The following EPHA5 variants were observed in gnomAD, a reference collection of about 807,000 sequenced individuals.
EPHA5 encodes ephrin type-A receptor 5.
Under a neutral mutation model 105.0 loss-of-function variants are expected in EPHA5, and 60 were observed. The observed-to-expected ratio is 0.57, with a 90% CI of 0.46 to 0.71. The LOEUF is 0.71. EPHA5 is among the 30% of genes least tolerant of loss of function. EPHA5 has a pLI of 0.00. For synonymous variants in EPHA5, 513 were observed against 449.1 expected (o/e 1.14, Z -1.80); for missense variants, 1,218 against 1,274.7 (o/e 0.96, Z 0.68).
At chr4:65,391,980 G>A (rs1186201787) in intron 8 of EPHA5, among the ~76,000 whole-genome samples, 3 of 152,064 alleles carry the variant, frequency 2.0e-5, no homozygotes, top group East Asian at 1.9e-4. Flanking sequence ...GAGCATTGCA[G>A]CATGTTTACA....
chr4:65,617,517 T>C, intron 2 of EPHA5, among the ~76,000 whole-genome samples: 1 of 152,170 alleles, frequency 6.6e-6, no homozygotes, highest in Admixed American at 6.5e-5. Context: ...TACTGGGATC[T>C]ACAGCAGGGA....
intron 5 of EPHA5, among the ~76,000 whole-genome samples, chr4:65,459,571 C>A (rs1469576980): frequency 6.6e-6 from 1 of 151,676 alleles, no homozygotes; most frequent in Non-Finnish European, 1.5e-5. Context: ...CACAGATTTA[C>A]CTCTAAGGCA....
At chr4:65,463,383 G>A (rs535107645) in intron 5 of EPHA5, among the ~76,000 whole-genome samples, 21 of 152,166 alleles carry the variant, frequency 1.4e-4, no homozygotes, top group Non-Finnish European at 2.2e-4. Flanking sequence ...TGTTCAAACT[G>A]GATTTTAGTT....
chr4:65,628,380 T>A (rs899722972), intron 2 of EPHA5, among the ~76,000 whole-genome samples: 2 of 152,204 alleles, frequency 1.3e-5, no homozygotes, highest in Middle Eastern at 3.4e-3. Flanking sequence ...AAATTACTGA[T>A]GATTGGTTAG....
At chr4:65,616,339 A>G (rs1043783630) in intron 2 of EPHA5, among the ~76,000 whole-genome samples, 2 of 151,744 alleles carry the variant, frequency 1.3e-5, no homozygotes, top group African/African-American at 4.8e-5. Flanking sequence ...GATGACATGA[A>G]AGATCTTGTG....
intron 5 of EPHA5, among the ~76,000 whole-genome samples, chr4:65,436,679 T>C (rs2149075881): frequency 6.6e-6 from 1 of 152,120 alleles, no homozygotes; most frequent in Non-Finnish European, 1.5e-5. Context: ...TATTTTGAAA[T>C]CTACATGTTT....
At chr4:65,556,575 G>A (rs112471143) in intron 3 of EPHA5, among the ~76,000 whole-genome samples, 31 of 152,178 alleles carry the variant, frequency 2.0e-4, no homozygotes, top group African/African-American at 6.7e-4. Context: ...AATGGGATCA[G>A]GTTCACAGTG....
chr4:65,319,927 C>T lies in EPHA5; in HGVS notation c.*4187G>A. 4.3e-6 allele frequency: 1 copy of T among 230,210 alleles called. No individual in the cohort carries two copies. Among genetic ancestry groups the T allele is most frequent in the Non-Finnish European group, 8.6e-6 (1 of 116,090 alleles). 14.3% of individuals were successfully genotyped at this position (230,210 alleles called of 1,614,324 possible). A position where few individuals can be genotyped will look rare whatever the true frequency, so the allele number is the denominator to read the frequency against. ...GTCATAGATATGTTGACCACTGAAACTTCTACTGTGAATACAGTTCCCAGC... is the reference window on the plus strand; with the variant it reads ...GTCATAGATATGTTGACCACTGAAATTTCTACTGTGAATACAGTTCCCAGC... On this transcript the variant is annotated 3_prime_UTR_variant, in exon 17 of 17. Transcript: ENST00000613740.
intron 5 of EPHA5, among the ~76,000 whole-genome samples, chr4:65,465,297 G>A (rs542826200): frequency 3.3e-5 from 5 of 151,738 alleles, no homozygotes; most frequent in East Asian, 1.9e-4. Flanking sequence ...TTAGCCGGGC[G>A]TGGTCGTGGG....
intron 3 of EPHA5, among the ~76,000 whole-genome samples, chr4:65,530,005 A>G (rs1207449940): frequency 1.3e-5 from 2 of 152,154 alleles, no homozygotes; most frequent in Non-Finnish European, 2.9e-5. Context: ...ACAATTTTAA[A>G]AAACATAACT....
intron 1 of EPHA5, among the ~76,000 whole-genome samples, chr4:65,662,714 T>C (rs1261715366): frequency 6.6e-6 from 1 of 152,132 alleles, no homozygotes; most frequent in Non-Finnish European, 1.5e-5. Flanking sequence ...TGAGAGTGTG[T>C]ATGTGGGCAG....
intron 5 of EPHA5, among the ~76,000 whole-genome samples, chr4:65,465,515 GA>G (rs1412898341): frequency 1.0e-5 from 1 of 96,858 alleles, no homozygotes; most frequent in Non-Finnish European, 2.2e-5. Flanking sequence ...AAGAAAGAAA[GA>G]AAGAAAGAAA....
chr4:65,574,600 GTA>G (rs376092912), intron 3 of EPHA5, among the ~76,000 whole-genome samples: 876 of 79,886 alleles, frequency 0.011, 12 homozygotes, highest in African/African-American at 0.015. Context: ...ATATATTGCT[GTA>G]TATATATATA....
chr4:65,359,058 T>C (rs1401286228), intron 11 of EPHA5, among the ~76,000 whole-genome samples: 2 of 151,606 alleles, frequency 1.3e-5, no homozygotes, highest in Non-Finnish European at 3.0e-5. Context: ...GTATTAACAA[T>C]GAAAATAACT....
At chr4:65,388,387 C>T (rs966144430) in intron 8 of EPHA5, among the ~76,000 whole-genome samples, 34 of 151,794 alleles carry the variant, frequency 2.2e-4, no homozygotes, top group Admixed American at 5.9e-4. Context: ...CCTGAGGAAT[C>T]GCCACACTGA....
At chr4:65,480,412 G>T (rs954314064) in intron 5 of EPHA5, among the ~76,000 whole-genome samples, 2 of 152,064 alleles carry the variant, frequency 1.3e-5, no homozygotes, top group African/African-American at 2.4e-5. Context: ...CTCGCATAAA[G>T]GTATATGGCT....
chr4:65,578,728 A>C (rs1200661245), intron 3 of EPHA5, among the ~76,000 whole-genome samples: 2 of 152,220 alleles, frequency 1.3e-5, no homozygotes, highest in African/African-American at 4.8e-5. Flanking sequence ...GAGGTTTCCC[A>C]ACAAATACGT....
At chr4:65,374,379 A>T (rs1360125128) in intron 8 of EPHA5, among the ~76,000 whole-genome samples, 1 of 151,968 alleles carries the variant, frequency 6.6e-6, no homozygotes, top group Non-Finnish European at 1.5e-5. Context: ...TGATGAAAAT[A>T]ATTTGAGATA....
chr4:65,520,887 G>T (rs561262805), intron 3 of EPHA5, among the ~76,000 whole-genome samples: 69 of 152,274 alleles, frequency 4.5e-4, no homozygotes, highest in Admixed American at 9.2e-4. Context: ...AGGTGCTGGA[G>T]AGGATGTGGA....
Sources: gnomAD v4.1 joint callset for allele counts (sites outside exome capture counted in the v4.1 genomes callset) on GRCh38, gnomAD v4.1.1 for gene constraint, MANE v1.5 for transcripts, NCBI Gene and HGNC (gene_info 2026-07-23, HGNC 2026-07-21) for gene names.